ULK4: variants seen among roughly 807,000 people sequenced by gnomAD.
The protein encoded by ULK4 is inactive serine/threonine-protein kinase ULK4.
In ULK4, 133 loss-of-function variants were observed where a neutral mutation model predicts 160.6. The observed-to-expected ratio is 0.83, with a 90% CI of 0.72 to 0.96. The LOEUF is 0.96. Among genes scored for constraint, ULK4 ranks in the 40% least tolerant of loss-of-function variants. The pLI, the probability that ULK4 is intolerant of heterozygous loss-of-function variation, is 0.00. For synonymous variants in ULK4, 534 were observed against 539.8 expected (o/e 0.99, Z 0.15); for missense variants, 1,580 against 1,499.5 (o/e 1.05, Z -0.89).
At chr3:41,335,978 A>G (rs977419751) in intron 35 of ULK4, among the ~76,000 whole-genome samples, 10 of 152,220 alleles carry the variant, frequency 6.6e-5, no homozygotes, top group South Asian at 4.1e-4. Context: ...CCTGTCCTAG[A>G]ACAAGGCTTT....
intron 2 of ULK4, among the ~76,000 whole-genome samples, chr3:41,943,751 C>T (rs1003551603): frequency 6.6e-6 from 1 of 152,166 alleles, no homozygotes; most frequent in East Asian, 1.9e-4. Flanking sequence ...CTCAACTATC[C>T]ATGCTCCTTC....
chr3:41,338,087 G>A (rs1030911871), intron 35 of ULK4, among the ~76,000 whole-genome samples: 2 of 152,230 alleles, frequency 1.3e-5, no homozygotes, highest in East Asian at 3.8e-4. Flanking sequence ...TAGCATTTCT[G>A]CTTTGCAAAG....
chr3:41,772,696 G>A (rs1341160725), intron 21 of ULK4, among the ~76,000 whole-genome samples: 4 of 151,680 alleles, frequency 2.6e-5, no homozygotes, highest in South Asian at 2.1e-4. Context: ...TAGAAAAAGA[G>A]GGAATCCTCC....
chr3:41,357,560 A>G (rs1434941162), intron 35 of ULK4, among the ~76,000 whole-genome samples: 3 of 140,882 alleles, frequency 2.1e-5, no homozygotes, highest in Non-Finnish European at 3.0e-5. Flanking sequence ...AACAGGGTGG[A>G]GCTGAGAGAT....
intron 32 of ULK4, among the ~76,000 whole-genome samples, chr3:41,517,420 G>T (rs2085787395): frequency 1.3e-5 from 2 of 152,098 alleles, no homozygotes; most frequent in Non-Finnish European, 2.9e-5. Context: ...AACTAAGGAG[G>T]GCCCTTCTGT....
At chr3:41,569,881 G>T (rs2087911402) in intron 31 of ULK4, among the ~76,000 whole-genome samples, 1 of 151,996 alleles carries the variant, frequency 6.6e-6, no homozygotes, top group Admixed American at 6.6e-5. Context: ...CCGCCTGCTT[G>T]GAAAATGACA....
intron 35 of ULK4, among the ~76,000 whole-genome samples, chr3:41,352,114 G>A (rs1424717262): frequency 6.6e-6 from 1 of 152,130 alleles, no homozygotes; most frequent in African/African-American, 2.4e-5. Context: ...TTGAAGGAGG[G>A]AGCTTGGAGT....
At chr3:41,816,620 G>T (rs1008701400) in intron 19 of ULK4, among the ~76,000 whole-genome samples, 1 of 152,124 alleles carries the variant, frequency 6.6e-6, no homozygotes, top group Non-Finnish European at 1.5e-5. Context: ...TTCAAGACTA[G>T]CCTGGGCGAC....
chr3:41,576,580 C>T (rs1250461276), intron 31 of ULK4, among the ~76,000 whole-genome samples: 1 of 152,162 alleles, frequency 6.6e-6, no homozygotes, highest in African/African-American at 2.4e-5. Flanking sequence ...TAGTCAGTGA[C>T]TAGAAACTGC....
At chr3:41,634,871 A>C (rs974594) in intron 30 of ULK4, among the ~76,000 whole-genome samples, 31 of 152,158 alleles carry the variant, frequency 2.0e-4, no homozygotes, top group African/African-American at 6.7e-4. Context: ...ATGTACAGAG[A>C]AGAAAGGCAT....
chr3:41,671,414 T>C (rs59851609), intron 29 of ULK4, among the ~76,000 whole-genome samples: 8,050 of 152,080 alleles, frequency 0.053, 691 homozygotes, highest in African/African-American at 0.18. Context: ...TGGAACAGAA[T>C]AGAGAACAAA....
chr3:41,661,711 A>C (rs1015096518), intron 30 of ULK4, among the ~76,000 whole-genome samples: 1 of 152,196 alleles, frequency 6.6e-6, no homozygotes, highest in Admixed American at 6.5e-5. Context: ...GTTAGAATTT[A>C]AGGCAAAAAC....
At chr3:41,505,415 C>T (rs1167219280) in intron 32 of ULK4, among the ~76,000 whole-genome samples, 1 of 152,100 alleles carries the variant, frequency 6.6e-6, no homozygotes, top group African/African-American at 2.4e-5. Context: ...GGTCGCAATT[C>T]ATTCATTCTA....
At chr3:41,729,008 C>T (rs911388612) in intron 22 of ULK4, among the ~76,000 whole-genome samples, 7 of 152,094 alleles carry the variant, frequency 4.6e-5, no homozygotes, top group African/African-American at 1.7e-4. Context: ...CTGAAGGTGC[C>T]TGATACTCAT....
At chr3:41,573,199 T>C (rs1467782039) in intron 31 of ULK4, among the ~76,000 whole-genome samples, 11 of 151,800 alleles carry the variant, frequency 7.2e-5, no homozygotes, top group Admixed American at 7.2e-4. Context: ...ACAACTTCAT[T>C]AAAATGTACA....
chr3:41,751,963 C>T (rs1267573432), intron 22 of ULK4, among the ~76,000 whole-genome samples: 2 of 152,146 alleles, frequency 1.3e-5, no homozygotes, highest in African/African-American at 2.4e-5. Context: ...AGGGCTAACA[C>T]AAGGGCAAGA....
chr3:41,702,844 G>GT lies in ULK4; in HGVS notation c.2781+2212dup, dbSNP rs1169817301. On this transcript the variant is annotated intron_variant, in intron 27 of 36. Transcript: ENST00000301831. ...CAAAATTAGTAAGTTTTTTTTGTTTGTTTTTTTTTGGTTTTGTTTTTTTTT... is the reference window on the plus strand; with the variant it reads ...CAAAATTAGTAAGTTTTTTTTGTTTGTTTTTTTTTTGGTTTTGTTTTTTTTT... 7.4e-3 allele frequency among the ~76,000 whole-genome samples: 1,031 copies of GT among 139,228 alleles called. 13 individuals carry two copies. The highest frequency in any genetic ancestry group is 0.024 in the African/African-American group (807 of 33,848). 91.3% of individuals were successfully genotyped at this position (139,228 alleles called of 152,430 possible).
intron 32 of ULK4, among the ~76,000 whole-genome samples, chr3:41,526,668 C>T (rs1365071214): frequency 6.6e-6 from 1 of 152,150 alleles, no homozygotes; most frequent in South Asian, 2.1e-4. Flanking sequence ...TCTTCCAGGA[C>T]TGCAGCACTT....
At position 41,246,745 on chromosome 3, in the gene ULK4, C is replaced by G. The variant is rs2078650815; in HGVS notation, c.*184G>C. ...TCCACAGGAACCAAGGAAGTCCATTCTGAGTCAGTTTTCTAGGCCCTGGGG... is the reference window on the plus strand; with the variant it reads ...TCCACAGGAACCAAGGAAGTCCATTGTGAGTCAGTTTTCTAGGCCCTGGGG... On this transcript the variant is annotated 3_prime_UTR_variant, in exon 37 of 37. Transcript: ENST00000301831. 1 of 614,226 alleles carries G rather than the reference C, an allele frequency of 1.6e-6. No individual in the cohort carries two copies. Among genetic ancestry groups the G allele is most frequent in the Admixed American group, 3.0e-5 (1 of 33,270 alleles). The allele number at this position is 614,226 out of a possible 1,614,324, so 38.0% of individuals were successfully genotyped here.
Sources: allele counts gnomAD v4.1 joint callset (sites outside exome capture counted in the v4.1 genomes callset), GRCh38; gene constraint gnomAD v4.1.1; transcripts MANE v1.5; gene names NCBI Gene and HGNC (gene_info 2026-07-23, HGNC 2026-07-21).